The following SEMA5A variants were observed in gnomAD, a reference collection of about 807,000 sequenced individuals.
SEMA5A encodes the protein semaphorin-5A.
Under a neutral mutation model 135.5 loss-of-function variants are expected in SEMA5A, and 55 were observed. That is an observed-to-expected ratio of 0.41 (90% CI 0.33 to 0.51). The LOEUF is 0.51. SEMA5A is among the 20% of genes least tolerant of loss of function. The probability of loss-of-function intolerance (pLI) is 0.37; values close to 1 mark genes in which losing one functional copy is unlikely to be tolerated. For missense variants in SEMA5A, 1,290 were observed against 1,419.9 expected, an observed-to-expected ratio of 0.91 and a Z score of 1.47; for synonymous variants, 580 against 546.5, an observed-to-expected ratio of 1.06 and a Z score of -0.85.
At chr5:9,264,619 C>CTCATAGTGACACCTCCCACCCTGAGG (rs576403785) in intron 5 of SEMA5A, among the ~76,000 whole-genome samples, 2 of 152,036 alleles carry the variant, frequency 1.3e-5, no homozygotes, top group Non-Finnish European at 2.9e-5. Context: ...GTGTGGCATT[C>CTCATAGTGACACCTCCCACCCTGAGG]TCATAGTGAC....
chr5:9,163,295 T>C (rs1348195310), intron 11 of SEMA5A, among the ~76,000 whole-genome samples: 1 of 152,094 alleles, frequency 6.6e-6, no homozygotes, highest in African/African-American at 2.4e-5. Context: ...TGACAAAGGA[T>C]TTGTTTAAAC....
chr5:9,464,129 T>A (rs1759165448), intron 1 of SEMA5A, among the ~76,000 whole-genome samples: 1 of 152,154 alleles, frequency 6.6e-6, no homozygotes, highest in African/African-American at 2.4e-5. Flanking sequence ...CTCCCCACCC[T>A]GAATGACAAC....
chr5:9,341,943 A>AT (rs537208412), intron 3 of SEMA5A, among the ~76,000 whole-genome samples: 3 of 151,612 alleles, frequency 2.0e-5, no homozygotes, highest in South Asian at 4.2e-4. Context: ...GTATAATTCC[A>AT]TTTTTTTTAA....
rs1331816387 is a variant in SEMA5A at position 9,510,065 on chromosome 5, G to A, written c.-175+35519C>T. ...GGTGAGGCAACCTCCAAGGGGCCAC[G>A]ACGGTGGAAAAATTAATTCCAGGGA... On this transcript the variant is annotated intron_variant, in intron 1 of 22. Coordinates refer to ENST00000382496, the MANE Select transcript of SEMA5A (RefSeq NM_003966.3). Among the ~76,000 whole-genome samples, 2 of 152,176 alleles carry A rather than the reference G, an allele frequency of 1.3e-5. 1 individual carries two copies. The highest frequency in any genetic ancestry group is 4.1e-4 in the South Asian group (2 of 4,820).
intron 7 of SEMA5A, among the ~76,000 whole-genome samples, chr5:9,226,069 G>A (rs1024070528): frequency 2.6e-5 from 4 of 152,162 alleles, no homozygotes; most frequent in Non-Finnish European, 5.9e-5. Context: ...CCAGGGCAGG[G>A]TGCAGCACCT....
intron 13 of SEMA5A, among the ~76,000 whole-genome samples, chr5:9,130,479 A>G (rs113668449): frequency 1.4e-3 from 215 of 152,288 alleles, no homozygotes; most frequent in African/African-American, 4.7e-3. Context: ...AGTGCCTCCA[A>G]AAAGAACTAA....
chr5:9,254,368 C>A (rs1748954946), intron 5 of SEMA5A, among the ~76,000 whole-genome samples: 1 of 152,110 alleles, frequency 6.6e-6, no homozygotes, highest in South Asian at 2.1e-4. Context: ...CGATGCCCAG[C>A]CCAGCAGCCA....
intron 5 of SEMA5A, among the ~76,000 whole-genome samples, chr5:9,244,342 C>CCCATT (rs1315042031): frequency 2.0e-4 from 31 of 152,118 alleles, no homozygotes; most frequent in African/African-American, 6.3e-4. Flanking sequence ...GTGCCCCCAC[C>CCCATT]CCATTCTTTT....
At chr5:9,116,145 T>C (rs1010978281) in intron 15 of SEMA5A, among the ~76,000 whole-genome samples, 3 of 152,118 alleles carry the variant, frequency 2.0e-5, no homozygotes, top group Non-Finnish European at 2.9e-5. Flanking sequence ...TTCTGGCCCA[T>C]GTTTTGATTG....
At chr5:9,057,781 G>C (rs1384120679) in intron 18 of SEMA5A, among the ~76,000 whole-genome samples, 1 of 152,180 alleles carries the variant, frequency 6.6e-6, no homozygotes, top group Admixed American at 6.6e-5. Flanking sequence ...AAGTTGCTTA[G>C]TCTGCAATTG....
intron 8 of SEMA5A, among the ~76,000 whole-genome samples, chr5:9,221,061 C>A (rs537376945): frequency 6.6e-6 from 1 of 152,112 alleles, no homozygotes; most frequent in Non-Finnish European, 1.5e-5. Flanking sequence ...GGAAGACCTA[C>A]GCCTTCACCA....
chr5:9,328,412 C>T (rs185390882), intron 4 of SEMA5A, among the ~76,000 whole-genome samples: 12 of 152,342 alleles, frequency 7.9e-5, no homozygotes, highest in African/African-American at 2.9e-4. Flanking sequence ...GTAGAAATCT[C>T]CTGGGCTCCT....
At position 9,527,429 on chromosome 5, in the gene SEMA5A, G is replaced by A. The variant is rs140602302; in HGVS notation, c.-175+18155C>T. Reference sequence around the variant, plus strand: ...GATGTTTGCTCTTATGCAAAGTCAAGCAACAATTCCAAGCCCTGGTTTTAT... The same window carrying A: ...GATGTTTGCTCTTATGCAAAGTCAAACAACAATTCCAAGCCCTGGTTTTAT... On this transcript the variant is annotated intron_variant, in intron 1 of 22. Transcript: ENST00000382496. Among the ~76,000 whole-genome samples the A allele has an allele frequency of 4.7e-3, 716 of 152,250 alleles. 7 individuals are homozygous for A. Among genetic ancestry groups the A allele is most frequent in the African/African-American group, 0.016 (682 of 41,536 alleles).
chr5:9,453,687 C>T (rs939747874), intron 1 of SEMA5A, among the ~76,000 whole-genome samples: 4 of 152,236 alleles, frequency 2.6e-5, no homozygotes, highest in Admixed American at 1.3e-4. Flanking sequence ...ACCAGAGGCT[C>T]GCAGGAACCA....
intron 19 of SEMA5A, among the ~76,000 whole-genome samples, chr5:9,052,341 G>A (rs745305776): frequency 8.5e-5 from 13 of 152,210 alleles, no homozygotes; most frequent in Non-Finnish European, 1.8e-4. Context: ...AGACCCAGCT[G>A]TGTGCAGACC....
At chr5:9,258,225 T>C (rs1379439656) in intron 5 of SEMA5A, among the ~76,000 whole-genome samples, 3 of 152,232 alleles carry the variant, frequency 2.0e-5, no homozygotes, top group Admixed American at 2.0e-4. Flanking sequence ...AAATGCTAGC[T>C]TCAGTCCTAA....
chr5:9,471,796 C>A (rs571440547), intron 1 of SEMA5A, among the ~76,000 whole-genome samples: 10 of 152,174 alleles, frequency 6.6e-5, no homozygotes, highest in African/African-American at 2.4e-4. Flanking sequence ...TACAGCTAAA[C>A]GATACAAGCA....
At chr5:9,400,881 A>G (rs1314198839) in intron 2 of SEMA5A, among the ~76,000 whole-genome samples, 1 of 152,102 alleles carries the variant, frequency 6.6e-6, no homozygotes. Context: ...TACAATTATA[A>G]TTTATTATAA....
chr5:9,149,228 G>A (rs1742500475), intron 12 of SEMA5A, among the ~76,000 whole-genome samples: 4 of 152,214 alleles, frequency 2.6e-5, no homozygotes, highest in Non-Finnish European at 5.9e-5. Flanking sequence ...GGGAAGAGCT[G>A]AGGAGTTTCA....
Sources: allele counts gnomAD v4.1 joint callset (sites outside exome capture counted in the v4.1 genomes callset), GRCh38; gene constraint gnomAD v4.1.1; transcripts MANE v1.5; gene names NCBI Gene and HGNC (gene_info 2026-07-23, HGNC 2026-07-21).